The following ADAMTSL1 variants were observed in gnomAD, a reference collection of about 807,000 sequenced individuals.
The protein encoded by ADAMTSL1 is ADAMTS-like protein 1.
ADAMTSL1 carries 126 observed loss-of-function variants against 201.8 expected under a neutral mutation model. The ratio of observed to expected loss-of-function variants is 0.62; its 90% CI spans 0.54 to 0.72. The LOEUF is 0.72. Ranked by LOEUF, ADAMTSL1 falls within the 30% of genes least tolerant of loss-of-function variation. The pLI, the probability that ADAMTSL1 is intolerant of heterozygous loss-of-function variation, is 0.00. For missense variants in ADAMTSL1, 2,679 were observed against 2,277.8 expected (o/e 1.18, Z -3.59); for synonymous variants, 1,121 against 903.4 (o/e 1.24, Z -4.32).
At position 17,935,952 on chromosome 9, in the gene ADAMTSL1, A is replaced by G. The variant is rs538046695; in HGVS notation, c.87+29030A>G. ...CTTATAAGGCCTGATTTATCTAGCC[A>G]TCTCTCCGATCCTCTCACCTACCAG... On this transcript the variant is annotated intron_variant, in intron 1 of 29. Transcript: ENST00000680146. Among the ~76,000 whole-genome samples the G allele has an allele frequency of 1.0e-3, 153 of 152,240 alleles. 2 individuals carry two copies. The South Asian group carries it at 0.019, about 19-fold the overall frequency.
chr9:18,811,353 C>T (rs1446784722), intron 20 of ADAMTSL1, among the ~76,000 whole-genome samples: 1 of 152,230 alleles, frequency 6.6e-6, no homozygotes, highest in Non-Finnish European at 1.5e-5. Flanking sequence ...GCCGTGCCCA[C>T]CTTTCCCTCC....
chr9:18,601,009 C>T (rs1396030435), intron 4 of ADAMTSL1, among the ~76,000 whole-genome samples: 1 of 152,156 alleles, frequency 6.6e-6, no homozygotes, highest in Non-Finnish European at 1.5e-5. Context: ...GCATTATTCT[C>T]CTTCACTTGT....
chr9:18,351,760 C>T (rs1231957814), intron 2 of ADAMTSL1, among the ~76,000 whole-genome samples: 1 of 152,054 alleles, frequency 6.6e-6, no homozygotes, highest in African/African-American at 2.4e-5. Flanking sequence ...TATTTATTGC[C>T]CTTTAAAAAT....
In ADAMTSL1 at chr9:18,372,196, C is replaced by T. The variant is rs372613168; in HGVS notation, c.208-132633C>T. ...ACTTAAAACAAGAGGGAATACATAA[C>T]AAAGTAACCTAGAAACTGACTTAGA... On this transcript the variant is annotated intron_variant, in intron 2 of 29. Coordinates refer to the ADAMTSL1 transcript ENST00000680146. Among the ~76,000 whole-genome samples the T allele has an allele frequency of 3.3e-5, 5 of 152,192 alleles. No individual in the cohort carries two copies. The South Asian group carries it at 1.0e-3, about 32-fold the overall frequency.
intron 3 of ADAMTSL1, among the ~76,000 whole-genome samples, chr9:18,545,055 C>G (rs1288820255): frequency 6.6e-6 from 1 of 152,114 alleles, no homozygotes; most frequent in Non-Finnish European, 1.5e-5. Context: ...TTGAAAATGA[C>G]AGATAAAGAC....
At chr9:18,569,147 T>A (rs1037774458) in intron 3 of ADAMTSL1, among the ~76,000 whole-genome samples, 1 of 152,186 alleles carries the variant, frequency 6.6e-6, no homozygotes, top group South Asian at 2.1e-4. Flanking sequence ...TGTAATCTGA[T>A]CTACTGTCAT....
At chr9:18,384,350 C>G (rs950628002) in intron 2 of ADAMTSL1, among the ~76,000 whole-genome samples, 1 of 152,082 alleles carries the variant, frequency 6.6e-6, no homozygotes, top group Non-Finnish European at 1.5e-5. Context: ...GAAATCTGCC[C>G]CGTGATTCAA....
Position 18,144,838 on chromosome 9 carries a change from G to A in ADAMTSL1, c.88-19024G>A, listed in dbSNP as rs1165032795. 2.6e-5 allele frequency among the ~76,000 whole-genome samples: 4 copies of A among 152,136 alleles called. No homozygotes were observed. The East Asian group carries it at 5.8e-4, about 22-fold the overall frequency. On this transcript the variant is annotated intron_variant, in intron 1 of 29. Coordinates refer to the ADAMTSL1 transcript ENST00000680146. ...AGTACTCCTGCCAAGATACCTGGCC[G>A]AGGATAACACTCTGTTTCTAAACAG...
At chr9:18,179,316 A>T (rs973914594) in intron 2 of ADAMTSL1, among the ~76,000 whole-genome samples, 21 of 152,300 alleles carry the variant, frequency 1.4e-4, no homozygotes, top group African/African-American at 5.1e-4. Flanking sequence ...CGAGAAGGGA[A>T]GTTTAGAGAA....
chr9:18,380,250 T>C (rs927461521), intron 2 of ADAMTSL1, among the ~76,000 whole-genome samples: 1 of 152,102 alleles, frequency 6.6e-6, no homozygotes, highest in African/African-American at 2.4e-5. Context: ...GAAGAAGGAT[T>C]ACAAAAGATT....
intron 2 of ADAMTSL1, among the ~76,000 whole-genome samples, chr9:18,178,198 G>A (rs540336517): frequency 2.4e-4 from 36 of 152,338 alleles, no homozygotes; most frequent in African/African-American, 7.9e-4. Flanking sequence ...GCAGGGCGAG[G>A]CATTGCCTCA....
At chr9:17,999,682 C>A (rs1411769779) in intron 1 of ADAMTSL1, among the ~76,000 whole-genome samples, 3 of 150,642 alleles carry the variant, frequency 2.0e-5, no homozygotes, top group Non-Finnish European at 4.4e-5. Flanking sequence ...TATACATGTG[C>A]CATGCTGGTG....
At chr9:18,218,409 T>C (rs913698451) in intron 2 of ADAMTSL1, among the ~76,000 whole-genome samples, 6 of 152,182 alleles carry the variant, frequency 3.9e-5, no homozygotes, top group Non-Finnish European at 8.8e-5. Flanking sequence ...ACAAATATAT[T>C]GACTGCTTGC....
intron 1 of ADAMTSL1, among the ~76,000 whole-genome samples, chr9:18,044,721 C>G (rs1183225897): frequency 2.6e-5 from 4 of 152,070 alleles, no homozygotes; most frequent in Non-Finnish European, 5.9e-5. Context: ...CTTTTAGGGG[C>G]ACTTGCAAAT....
intron 2 of ADAMTSL1, among the ~76,000 whole-genome samples, chr9:18,379,397 T>G (rs575989957): frequency 1.3e-5 from 2 of 152,068 alleles, no homozygotes; most frequent in Non-Finnish European, 2.9e-5. Context: ...AGCAGTCAGC[T>G]TTTTTTTCCC....
At chr9:18,242,241 C>T (rs1028320741) in intron 2 of ADAMTSL1, among the ~76,000 whole-genome samples, 11 of 152,096 alleles carry the variant, frequency 7.2e-5, no homozygotes, top group Admixed American at 3.9e-4. Flanking sequence ...ATCATGTTAA[C>T]TGAATGAGAG....
At chr9:18,203,430 G>A (rs146373288) in intron 2 of ADAMTSL1, among the ~76,000 whole-genome samples, 247 of 151,782 alleles carry the variant, frequency 1.6e-3, no homozygotes, top group African/African-American at 5.8e-3. Context: ...AAAGAATACA[G>A]GGTCTATGTA....
At chr9:18,462,172 G>A (rs1820832800) in intron 2 of ADAMTSL1, among the ~76,000 whole-genome samples, 1 of 152,062 alleles carries the variant, frequency 6.6e-6, no homozygotes, top group African/African-American at 2.4e-5. Context: ...CAGAATATAG[G>A]TCTACATTTT....
intron 14 of ADAMTSL1, among the ~76,000 whole-genome samples, chr9:18,711,665 G>C (rs1258698379): frequency 1.3e-5 from 2 of 152,216 alleles, no homozygotes; most frequent in Non-Finnish European, 2.9e-5. Context: ...CAGCGAGGCT[G>C]GGGGAGGGGC....
Sources: gnomAD v4.1 joint callset for allele counts (sites outside exome capture counted in the v4.1 genomes callset) on GRCh38, gnomAD v4.1.1 for gene constraint, MANE v1.5 for transcripts, NCBI Gene and HGNC (gene_info 2026-07-23, HGNC 2026-07-21) for gene names.